OXR1: variants seen among roughly 807,000 people sequenced by gnomAD.
OXR1 encodes oxidation resistance protein 1.
Under a neutral mutation model 104.6 loss-of-function variants are expected in OXR1, and 41 were observed. That is an observed-to-expected ratio of 0.39 (90% CI 0.31 to 0.51). The LOEUF is 0.51. Ranked by LOEUF, OXR1 falls within the 20% of genes least tolerant of loss-of-function variation. OXR1 has a pLI of 0.77. For synonymous variants in OXR1, 348 were observed against 348.4 expected (o/e 1.00, Z 0.01); for missense variants, 955 against 1,031.9 (o/e 0.93, Z 1.02).
At chr8:106,741,081 A>G (rs1462613914) in intron 14 of OXR1, among the ~76,000 whole-genome samples, 2 of 152,134 alleles carry the variant, frequency 1.3e-5, no homozygotes, top group African/African-American at 4.8e-5. Flanking sequence ...TAATCATGAA[A>G]GCCCTATGAG....
chr8:106,487,779 T>C (rs1810787304), intron 2 of OXR1, among the ~76,000 whole-genome samples: 1 of 151,746 alleles, frequency 6.6e-6, no homozygotes. Flanking sequence ...TGCATAGTAT[T>C]CCATGGTGTA....
intron 2 of OXR1, among the ~76,000 whole-genome samples, chr8:106,510,466 T>C (rs1812450598): frequency 6.6e-6 from 1 of 152,200 alleles, no homozygotes; most frequent in African/African-American, 2.4e-5. Context: ...ACTTAGATGA[T>C]TTAGATGTCC....
chr8:106,679,328 T>A (rs1827917118), intron 4 of OXR1, 36 bp downstream of exon 4: 2 of 1,104,834 alleles, frequency 1.8e-6, no homozygotes, highest in Admixed American at 2.0e-5. Context: ...TATTTTTCTT[T>A]GTAAGAGTCT....
intron 1 of OXR1, among the ~76,000 whole-genome samples, chr8:106,355,096 T>C (rs773996826): frequency 2.7e-4 from 41 of 152,142 alleles, no homozygotes; most frequent in Non-Finnish European, 5.0e-4. Flanking sequence ...AGAACAATTG[T>C]GTCTATGCTT....
rs780208547 is a variant in OXR1 at position 106,617,093 on chromosome 8, A to G, written c.221-62117A>G. Among the ~76,000 whole-genome samples, 5 of 152,334 alleles carry G rather than the reference A, an allele frequency of 3.3e-5. No individual in the cohort carries two copies. The South Asian group carries it at 6.2e-4, about 19-fold the overall frequency. ...ACAGTAAGTCAGAAGCAGCCGGGCTATAGGTGCTGCCCTTTACTTCTACCG... is the reference window on the plus strand; with the variant it reads ...ACAGTAAGTCAGAAGCAGCCGGGCTGTAGGTGCTGCCCTTTACTTCTACCG... On this transcript the variant is annotated intron_variant, in intron 3 of 16. Transcript: ENST00000517566.
intron 2 of OXR1, among the ~76,000 whole-genome samples, chr8:106,448,866 T>C (rs572833914): frequency 1.3e-5 from 2 of 152,208 alleles, no homozygotes; most frequent in Non-Finnish European, 2.9e-5. Flanking sequence ...GTTATTTCTG[T>C]CAGGTATAGA....
intron 2 of OXR1, among the ~76,000 whole-genome samples, chr8:106,373,367 A>C (rs979415462): frequency 6.6e-6 from 1 of 152,152 alleles, no homozygotes; most frequent in Non-Finnish European, 1.5e-5. Context: ...TTAAACAATA[A>C]ATTTTTTTTA....
intron 1 of OXR1, among the ~76,000 whole-genome samples, chr8:106,357,786 A>C (rs1816040590): frequency 6.6e-6 from 1 of 152,148 alleles, no homozygotes; most frequent in South Asian, 2.1e-4. Context: ...AATTGTCAGT[A>C]AACAATGGAC....
intron 1 of OXR1, among the ~76,000 whole-genome samples, chr8:106,319,038 C>T (rs879426656): frequency 2.2e-4 from 34 of 152,288 alleles, no homozygotes; most frequent in East Asian, 1.5e-3. Context: ...AGGTAATTTA[C>T]GTTGCTCCTG....
intron 3 of OXR1, among the ~76,000 whole-genome samples, chr8:106,595,568 A>G (rs1819463157): frequency 1.3e-5 from 2 of 151,378 alleles, no homozygotes. Flanking sequence ...AAAAAAAAAA[A>G]AAGAAAAGAA....
rs566126817 is a variant in OXR1 at position 106,612,116 on chromosome 8, A to G, written c.221-67094A>G. On this transcript the variant is annotated intron_variant, in intron 3 of 16. Transcript: ENST00000517566. ...CTCCTTCAGTTTTTTTTTGTATTTG[A>G]GCTTTGCTTTTTCCCTTTTCTCATG... 1.8e-4 allele frequency among the ~76,000 whole-genome samples: 27 copies of G among 150,896 alleles called. 1 individual carries two copies. In the South Asian group the frequency reaches 5.2e-3, roughly 29 times the overall value.
intron 3 of OXR1, among the ~76,000 whole-genome samples, chr8:106,617,486 C>T (rs2045787): frequency 0.4 from 61,391 of 152,010 alleles, 12,893 homozygotes; most frequent in African/African-American, 0.52. Context: ...TACTTTTATC[C>T]ATTCTTTTAA....
chr8:106,733,159 T>G (rs1176510883), intron 11 of OXR1, among the ~76,000 whole-genome samples: 1 of 152,238 alleles, frequency 6.6e-6, no homozygotes, highest in African/African-American at 2.4e-5. Context: ...CCTGAGTAGC[T>G]GAGATAATAG....
At chr8:106,518,750 A>G (rs1417505358) in intron 2 of OXR1, among the ~76,000 whole-genome samples, 193 bp from the exon 3 acceptor site, 1 of 152,162 alleles carries the variant, frequency 6.6e-6, no homozygotes, top group Non-Finnish European at 1.5e-5. Context: ...GGCAGAAGAT[A>G]TTTTTCCTTC....
At chr8:106,483,221 T>C (rs1225752046) in intron 2 of OXR1, among the ~76,000 whole-genome samples, 1 of 152,016 alleles carries the variant, frequency 6.6e-6, no homozygotes, top group East Asian at 1.9e-4. Context: ...CAAAAGAAAG[T>C]GTCAGTCAGT....
At chr8:106,699,706 A>G (rs1028701198) in intron 7 of OXR1, among the ~76,000 whole-genome samples, 1 of 152,230 alleles carries the variant, frequency 6.6e-6, no homozygotes, top group Non-Finnish European at 1.5e-5. Flanking sequence ...TCTGCAGCCT[A>G]GTGTTTTTGG....
chr8:106,381,204 T>C (rs1433891021), intron 2 of OXR1, among the ~76,000 whole-genome samples: 1 of 152,210 alleles, frequency 6.6e-6, no homozygotes, highest in African/African-American at 2.4e-5. Flanking sequence ...AACAATGATC[T>C]TAATTATTGG....
chr8:106,416,329 T>C (rs1294227537), intron 2 of OXR1, among the ~76,000 whole-genome samples: 1 of 152,262 alleles, frequency 6.6e-6, no homozygotes, highest in East Asian at 1.9e-4. Flanking sequence ...CAGATTTCTA[T>C]ATTGTCATTT....
chr8:106,568,108 A>G (rs932393435), intron 3 of OXR1, among the ~76,000 whole-genome samples: 1 of 152,078 alleles, frequency 6.6e-6, no homozygotes, highest in Non-Finnish European at 1.5e-5. Context: ...TGACTTTGTT[A>G]TATCTTGTTT....
Sources: gnomAD v4.1 joint callset for allele counts (sites outside exome capture counted in the v4.1 genomes callset) on GRCh38, gnomAD v4.1.1 for gene constraint, MANE v1.5 for transcripts, NCBI Gene and HGNC (gene_info 2026-07-23, HGNC 2026-07-21) for gene names.